Variants in WWOX observed in about 807,000 individuals in gnomAD.
The protein encoded by WWOX is WW domain-containing oxidoreductase.
A neutral mutation model predicts 46.2 loss-of-function variants in WWOX; 69 were observed. The observed-to-expected ratio is 1.49, with a 90% CI of 1.23 to 1.82. The LOEUF is 1.82. Ranked by LOEUF, WWOX falls within the 40% of genes most tolerant of loss-of-function variation. The pLI is 0.00. For missense variants in WWOX, 919 were observed against 542.6 expected, an observed-to-expected ratio of 1.69 and a Z score of -6.89; for synonymous variants, 359 against 202.6, an observed-to-expected ratio of 1.77 and a Z score of -6.56.
chr16:78,880,834 G>C (rs75816022), intron 8 of WWOX, among the ~76,000 whole-genome samples: 1 of 152,230 alleles, frequency 6.6e-6, no homozygotes, highest in African/African-American at 2.4e-5. Flanking sequence ...TCTAAGTTGG[G>C]ATCAGTTCAC....
intron 8 of WWOX, among the ~76,000 whole-genome samples, chr16:79,202,230 A>G (rs966425940): frequency 6.6e-6 from 1 of 152,128 alleles, no homozygotes; most frequent in African/African-American, 2.4e-5. Context: ...TTACTGACCT[A>G]TTATATACAG....
chr16:78,197,208 C>T (rs1270424374), intron 5 of WWOX, among the ~76,000 whole-genome samples: 2 of 152,146 alleles, frequency 1.3e-5, no homozygotes, highest in Non-Finnish European at 2.9e-5. Flanking sequence ...AGCCAGGGTC[C>T]GTCAGCTGTC....
chr16:78,952,837 C>T (rs1396190839), intron 8 of WWOX, among the ~76,000 whole-genome samples: 4 of 152,136 alleles, frequency 2.6e-5, no homozygotes, highest in South Asian at 2.1e-4. Context: ...TGAATGAGTA[C>T]GTGAATAAAT....
chr16:78,667,311 A>G (rs1425769892), intron 8 of WWOX, among the ~76,000 whole-genome samples: 1 of 152,216 alleles, frequency 6.6e-6, no homozygotes, highest in Admixed American at 6.5e-5. Flanking sequence ...GGACAGGCTG[A>G]CATTTTTATT....
chr16:78,948,954 A>C (rs1269601524), intron 8 of WWOX, among the ~76,000 whole-genome samples: 1 of 152,086 alleles, frequency 6.6e-6, no homozygotes, highest in Non-Finnish European at 1.5e-5. Context: ...GCAAGCAGGG[A>C]AGGATTTCAC....
intron 5 of WWOX, among the ~76,000 whole-genome samples, chr16:78,384,777 C>T (rs1029217943): frequency 6.6e-6 from 1 of 152,164 alleles, no homozygotes; most frequent in Non-Finnish European, 1.5e-5. Flanking sequence ...CAGTTTGCCT[C>T]CACCACTGAT....
intron 8 of WWOX, among the ~76,000 whole-genome samples, chr16:78,734,582 C>T (rs904905586): frequency 2.0e-5 from 3 of 152,034 alleles, no homozygotes; most frequent in Non-Finnish European, 4.4e-5. Context: ...GTAACTGAAC[C>T]TGATGGTTAG....
At chr16:78,271,800 C>T (rs898337895) in intron 5 of WWOX, among the ~76,000 whole-genome samples, 7 of 152,184 alleles carry the variant, frequency 4.6e-5, no homozygotes, top group African/African-American at 1.7e-4. Context: ...GCCTTCTCTA[C>T]CTAACAAGGG....
chr16:78,619,945 A>G (rs1439476784), intron 8 of WWOX, among the ~76,000 whole-genome samples: 1 of 152,148 alleles, frequency 6.6e-6, no homozygotes, highest in Non-Finnish European at 1.5e-5. Flanking sequence ...TAACAGAACC[A>G]TAGGCCTTAT....
chr16:79,067,015 T>A (rs992447961), intron 8 of WWOX, among the ~76,000 whole-genome samples: 4 of 152,182 alleles, frequency 2.6e-5, no homozygotes, highest in South Asian at 2.1e-4. Context: ...CACAGTTAAG[T>A]GCTCTGTTGA....
rs1200009945 is a variant in WWOX, at chr16:78,988,375, A to T, written c.1057-223233A>T. 3.3e-5 allele frequency among the ~76,000 whole-genome samples: 5 copies of T among 151,830 alleles called. No homozygotes were observed. The South Asian group carries it at 8.3e-4, about 25-fold the overall frequency. Reference sequence around the variant, plus strand: ...AAATAAAAAAAAAAAAAAAAGAAAGAAAATTAATTTCTCAGAGGTAGTAAT... The same window carrying T: ...AAATAAAAAAAAAAAAAAAAGAAAGTAAATTAATTTCTCAGAGGTAGTAAT... On this transcript the variant is annotated intron_variant, in intron 8 of 8. Coordinates refer to ENST00000566780, the MANE Select transcript of WWOX (RefSeq NM_016373.4).
At chr16:78,772,156 T>C (rs2050079845) in intron 8 of WWOX, among the ~76,000 whole-genome samples, 1 of 152,202 alleles carries the variant, frequency 6.6e-6, no homozygotes, top group Non-Finnish European at 1.5e-5. Flanking sequence ...ATAAGCCTTG[T>C]ATCCAATAGT....
At position 79,209,732 on chromosome 16, in the gene WWOX, A is replaced by T. The variant is rs376366496; in HGVS notation, c.1057-1876A>T. Among the ~76,000 whole-genome samples the T allele has an allele frequency of 2.0e-5, 3 of 152,310 alleles. No individual in the cohort carries two copies. The East Asian group carries it at 5.8e-4, about 29-fold the overall frequency. On this transcript the variant is annotated intron_variant, in intron 8 of 8. Coordinates refer to ENST00000566780, the MANE Select transcript of WWOX (RefSeq NM_016373.4). ...CTTGAGTTAGCTGGATGAGCATCTC[A>T]ATTCTCCAATTTGTCTTTAGAGGCA...
chr16:78,687,639 G>A (rs1233374771), intron 8 of WWOX, among the ~76,000 whole-genome samples: 1 of 152,140 alleles, frequency 6.6e-6, no homozygotes, highest in Non-Finnish European at 1.5e-5. Context: ...TATAGCTCAG[G>A]AACCCTTGGT....
chr16:78,561,633 T>C, intron 8 of WWOX, among the ~76,000 whole-genome samples: 1 of 152,044 alleles, frequency 6.6e-6, no homozygotes, highest in South Asian at 2.1e-4. Context: ...TTGGAGAGAC[T>C]TTTTCAAAAG....
In WWOX at chr16:78,450,332, A is replaced by T. The variant is rs144937811; in HGVS notation, c.1056+17580A>T. On this transcript the variant is annotated intron_variant, in intron 8 of 8. Transcript: ENST00000566780. ...AAGTGAAATATTCTTTAAGAAGCCA[A>T]AGTAATCCACGAGAATGTATGGTGT... Among the ~76,000 whole-genome samples the T allele has an allele frequency of 1.2e-3, 182 of 152,308 alleles. 6 individuals are homozygous for T. The East Asian group carries it at 0.033, about 28-fold the overall frequency.
At chr16:78,878,348 C>G (rs573661973) in intron 8 of WWOX, among the ~76,000 whole-genome samples, 6 of 152,274 alleles carry the variant, frequency 3.9e-5, no homozygotes, top group African/African-American at 1.4e-4. Flanking sequence ...CCCCTGGGTT[C>G]AATTCCTGCC....
chr16:78,549,117 G>C (rs1445283343), intron 8 of WWOX, among the ~76,000 whole-genome samples: 2 of 152,168 alleles, frequency 1.3e-5, no homozygotes, highest in Non-Finnish European at 2.9e-5. Flanking sequence ...TGTCACTGTG[G>C]TATTGAGATT....
intron 8 of WWOX, among the ~76,000 whole-genome samples, chr16:79,010,657 G>C (rs1361021259): frequency 6.6e-6 from 1 of 152,228 alleles, no homozygotes. Flanking sequence ...AGTTGGAGAA[G>C]ACAGTGGATT....
Sources: allele counts gnomAD v4.1 joint callset (sites outside exome capture counted in the v4.1 genomes callset), GRCh38; gene constraint gnomAD v4.1.1; transcripts MANE v1.5; gene names NCBI Gene and HGNC (gene_info 2026-07-23, HGNC 2026-07-21).